The following ARHGAP21 variants were observed in gnomAD, a reference collection of about 807,000 sequenced individuals.
ARHGAP21 encodes the protein Rho GTPase activating protein 21.
In ARHGAP21, 38 loss-of-function variants were observed where a neutral mutation model predicts 164.6. The ratio of observed to expected loss-of-function variants is 0.23; its 90% CI spans 0.18 to 0.30. The LOEUF (loss-of-function observed/expected upper bound fraction) is 0.30. Among genes scored for constraint, ARHGAP21 ranks in the 10% least tolerant of loss-of-function variants. The pLI, the probability that ARHGAP21 is intolerant of heterozygous loss-of-function variation, is 1.00. For synonymous variants in ARHGAP21, 766 were observed against 857.9 expected (o/e 0.89, Z 1.87); for missense variants, 1,822 against 2,370.7 (o/e 0.77, Z 4.81).
intron 4 of ARHGAP21, among the ~76,000 whole-genome samples, chr10:24,644,914 C>A (rs1837409570): frequency 6.6e-6 from 1 of 152,166 alleles, no homozygotes; most frequent in Admixed American, 6.5e-5. Flanking sequence ...ACTCTAGAAA[C>A]AAATTTTCAG....
chr10:24,592,149 T>A, intron 21 of ARHGAP21, 137 bp from the exon 22 acceptor site: 2 of 653,774 alleles, frequency 3.1e-6, no homozygotes, highest in Non-Finnish European at 4.5e-6. Context: ...TAATGCTTTC[T>A]AGCAAGATTT....
chr10:24,616,433 G>A (rs1833956890), intron 9 of ARHGAP21, among the ~76,000 whole-genome samples: 1 of 152,188 alleles, frequency 6.6e-6, no homozygotes, highest in Non-Finnish European at 1.5e-5. Flanking sequence ...ATTTCAGGGA[G>A]CTAAGTTCCC....
intron 2 of ARHGAP21, among the ~76,000 whole-genome samples, chr10:24,693,243 A>G (rs1347011473): frequency 6.6e-6 from 1 of 152,242 alleles, no homozygotes; most frequent in Non-Finnish European, 1.5e-5. Flanking sequence ...ATTTCTATTT[A>G]AAACATTTAC....
chr10:24,642,055 G>A (rs368832715), intron 4 of ARHGAP21, among the ~76,000 whole-genome samples: 14 of 151,296 alleles, frequency 9.3e-5, no homozygotes, highest in African/African-American at 3.2e-4. Context: ...AAGTAGAGAG[G>A]ACAATAAAGC....
chr10:24,655,409 T>TA (rs1160408861), intron 4 of ARHGAP21, among the ~76,000 whole-genome samples: 1 of 152,070 alleles, frequency 6.6e-6, no homozygotes, highest in Non-Finnish European at 1.5e-5. Context: ...ACAAAGAACT[T>TA]AAACAAATTT....
chr10:24,707,869 C>A (rs1844389242), intron 2 of ARHGAP21, among the ~76,000 whole-genome samples: 1 of 152,134 alleles, frequency 6.6e-6, no homozygotes. Flanking sequence ...TCCTGTCACC[C>A]CTCTCTGGAA....
intron 2 of ARHGAP21, among the ~76,000 whole-genome samples, chr10:24,702,575 TTTTTTTGGTTTTTTG>T (rs1225678193): frequency 1.3e-5 from 2 of 152,024 alleles, no homozygotes; most frequent in Admixed American, 6.6e-5. Flanking sequence ...TTTAAGGTTT[TTTTTTTGGTTTTTTG>T]TTTTTTGGTT....
At chr10:24,698,755 G>A (rs769402558) in intron 2 of ARHGAP21, among the ~76,000 whole-genome samples, 40 of 152,124 alleles carry the variant, frequency 2.6e-4, no homozygotes, top group Non-Finnish European at 5.1e-4. Context: ...TAAAATTAAG[G>A]CAAATTGTTT....
At chr10:24,638,963 C>T (rs896560813) in intron 4 of ARHGAP21, among the ~76,000 whole-genome samples, 5 of 152,128 alleles carry the variant, frequency 3.3e-5, no homozygotes, top group Admixed American at 6.5e-5. Context: ...AAAGAATACA[C>T]ATACGTCTAC....
intron 2 of ARHGAP21, among the ~76,000 whole-genome samples, chr10:24,689,808 ATG>A (rs1308813022): frequency 6.7e-6 from 1 of 149,766 alleles, no homozygotes; most frequent in Non-Finnish European, 1.5e-5. Flanking sequence ...ATGTATATGT[ATG>A]TGTATATATA....
At chr10:24,652,422 G>C (rs1838276676) in intron 4 of ARHGAP21, among the ~76,000 whole-genome samples, 1 of 151,998 alleles carries the variant, frequency 6.6e-6, no homozygotes, top group African/African-American at 2.4e-5. Flanking sequence ...CCATGGAGTA[G>C]AAAAAAATTC....
intron 2 of ARHGAP21, among the ~76,000 whole-genome samples, chr10:24,683,287 T>C (rs1841943368): frequency 6.6e-6 from 1 of 152,312 alleles, no homozygotes; most frequent in South Asian, 2.1e-4. Flanking sequence ...ATACTTTTCA[T>C]ATAGCTGGCT....
chr10:24,598,119 A>G, intron 14 of ARHGAP21, 110 bp from the exon 15 acceptor site: 1 of 803,224 alleles, frequency 1.2e-6, no homozygotes, highest in Non-Finnish European at 2.0e-6. Context: ...AAACACTACT[A>G]TCATCTGTTC....
intron 4 of ARHGAP21, among the ~76,000 whole-genome samples, chr10:24,650,799 C>T (rs958606667): frequency 1.3e-5 from 2 of 152,156 alleles, no homozygotes; most frequent in South Asian, 2.1e-4. Flanking sequence ...GCTACCAAGG[C>T]AGAGATGGCT....
At chr10:24,629,780 T>G (rs1835674132) in intron 7 of ARHGAP21, 1 of 609,560 alleles carries the variant, frequency 1.6e-6, no homozygotes, top group African/African-American at 1.8e-5. Flanking sequence ...GAGTTCACTG[T>G]AGAATCAACA....
chr10:24,667,943 A>G (rs1026526864), intron 3 of ARHGAP21, among the ~76,000 whole-genome samples: 2 of 152,164 alleles, frequency 1.3e-5, no homozygotes, highest in Admixed American at 6.5e-5. Flanking sequence ...TCCAATATAT[A>G]TTTTCCATGT....
intron 2 of ARHGAP21, among the ~76,000 whole-genome samples, chr10:24,682,504 T>G (rs1253811055): frequency 6.6e-6 from 1 of 152,188 alleles, no homozygotes; most frequent in African/African-American, 2.4e-5. Flanking sequence ...CCTCACATAG[T>G]AGGATTCTTT....
intron 7 of ARHGAP21, chr10:24,628,963 TA>T (rs1835505800): frequency 1.3e-4 from 2 of 14,838 alleles, no homozygotes; most frequent in African/African-American, 7.2e-4. Context: ...TATATATATA[TA>T]TATATATATA....
chr10:24,596,196 A>C lies in ARHGAP21; in HGVS notation c.3478-153T>G, dbSNP rs566865818. Reference sequence around the variant, plus strand: ...GACATTATAGATCTGGGAATAGATAAAACCTGCAAGAGATATTTGAGACAG... The same window carrying C: ...GACATTATAGATCTGGGAATAGATACAACCTGCAAGAGATATTTGAGACAG... On this transcript the variant is annotated intron_variant, in intron 17 of 25. Transcript: ENST00000396432. 29 of 627,684 alleles carry C rather than the reference A, an allele frequency of 4.6e-5. No individual in the cohort carries two copies. The South Asian group carries it at 6.7e-4, about 15-fold the overall frequency. The allele number at this position is 627,684 out of a possible 1,614,324, so 38.9% of individuals were successfully genotyped here.
Sources: gnomAD v4.1 joint callset for allele counts (sites outside exome capture counted in the v4.1 genomes callset) on GRCh38, gnomAD v4.1.1 for gene constraint, MANE v1.5 for transcripts, NCBI Gene and HGNC (gene_info 2026-07-23, HGNC 2026-07-21) for gene names.